MACROD2: variants seen among roughly 807,000 people sequenced by gnomAD.
MACROD2 encodes mono-ADP ribosylhydrolase 2.
Under a neutral mutation model 70.4 loss-of-function variants are expected in MACROD2, and 36 were observed. The ratio of observed to expected loss-of-function variants is 0.51; its 90% CI spans 0.39 to 0.68. The LOEUF (loss-of-function observed/expected upper bound fraction) is 0.68. Ranked by LOEUF, MACROD2 falls within the 30% of genes least tolerant of loss-of-function variation. MACROD2 has a pLI of 0.00. For missense variants in MACROD2, 496 were observed against 538.4 expected (o/e 0.92, Z 0.78); for synonymous variants, 172 against 178.8 (o/e 0.96, Z 0.30).
At chr20:15,674,580 A>G (rs925946666) in intron 8 of MACROD2, among the ~76,000 whole-genome samples, 9 of 152,014 alleles carry the variant, frequency 5.9e-5, no homozygotes, top group African/African-American at 2.2e-4. Flanking sequence ...TTTTCCCATA[A>G]TCATTAACAC....
intron 7 of MACROD2, among the ~76,000 whole-genome samples, chr20:15,496,416 T>G (rs535261222): frequency 2.6e-5 from 4 of 152,228 alleles, no homozygotes; most frequent in South Asian, 2.1e-4. Context: ...GAGGTTAAGA[T>G]GAAAACCATA....
At chr20:15,363,535 G>A (rs6034164) in intron 6 of MACROD2, among the ~76,000 whole-genome samples, 47,344 of 152,016 alleles carry the variant, frequency 0.31, 7,496 homozygotes, top group Non-Finnish European at 0.32. Flanking sequence ...TTACCAAATG[G>A]AAGAAATAAG....
At chr20:15,447,930 A>G (rs562484955) in intron 7 of MACROD2, among the ~76,000 whole-genome samples, 4 of 152,114 alleles carry the variant, frequency 2.6e-5, no homozygotes, top group Admixed American at 6.6e-5. Context: ...GTAAAGCCCA[A>G]GTATTTATCC....
chr20:15,684,974 G>A (rs995454928), intron 8 of MACROD2, among the ~76,000 whole-genome samples: 8 of 151,858 alleles, frequency 5.3e-5, no homozygotes, highest in Admixed American at 2.6e-4. Flanking sequence ...TGAAATCTTT[G>A]GTAAAATGAA....
At chr20:14,765,341 G>A (rs1454501419) in intron 5 of MACROD2, among the ~76,000 whole-genome samples, 1 of 151,566 alleles carries the variant, frequency 6.6e-6, no homozygotes, top group Non-Finnish European at 1.5e-5. Flanking sequence ...CCCTGTCCCT[G>A]GACTCGCCTC....
At chr20:14,337,448 C>G (rs1457655742) in intron 3 of MACROD2, 1 of 393,900 alleles carries the variant, frequency 2.5e-6, no homozygotes, top group Non-Finnish European at 4.5e-6. Context: ...GCCGCTATAG[C>G]TGTAATTCCA....
chr20:15,926,291 T>G (rs565074165), intron 10 of MACROD2, among the ~76,000 whole-genome samples: 5 of 152,272 alleles, frequency 3.3e-5, no homozygotes, highest in African/African-American at 1.2e-4. Context: ...AATCTACCTC[T>G]TTTTTTCCTG....
At chr20:14,269,253 A>G (rs560877458) in intron 3 of MACROD2, among the ~76,000 whole-genome samples, 2 of 152,340 alleles carry the variant, frequency 1.3e-5, no homozygotes, top group Admixed American at 6.5e-5. Flanking sequence ...AAATCACTGG[A>G]AAAAGAGCGT....
At chr20:16,026,153 C>CA (rs950438077) in intron 15 of MACROD2, among the ~76,000 whole-genome samples, 16 of 132,754 alleles carry the variant, frequency 1.2e-4, no homozygotes, top group Non-Finnish European at 2.4e-4. Context: ...AACTCCATCT[C>CA]AAAAAAACAA....
intron 3 of MACROD2, among the ~76,000 whole-genome samples, chr20:14,096,444 A>G (rs2054227661): frequency 7.1e-6 from 1 of 140,122 alleles, no homozygotes; most frequent in Non-Finnish European, 1.5e-5. Flanking sequence ...TCCGCTCACC[A>G]CAATATCCTC....
At chr20:14,377,645 GGA>G (rs1359571204) in intron 3 of MACROD2, among the ~76,000 whole-genome samples, 4 of 152,180 alleles carry the variant, frequency 2.6e-5, no homozygotes, top group African/African-American at 9.7e-5. Context: ...AGAAGCCCAA[GGA>G]GAGAGTCAGA....
intron 5 of MACROD2, among the ~76,000 whole-genome samples, chr20:15,145,999 GTAAT>G (rs1400702659): frequency 2.6e-5 from 4 of 152,042 alleles, no homozygotes; most frequent in Non-Finnish European, 5.9e-5. Flanking sequence ...TAGCAACAAT[GTAAT>G]TAAGTACAGA....
At chr20:14,790,241 A>G (rs759425612) in intron 5 of MACROD2, among the ~76,000 whole-genome samples, 2 of 151,504 alleles carry the variant, frequency 1.3e-5, no homozygotes, top group African/African-American at 2.4e-5. Context: ...AGCTCGATAA[A>G]TATCAGGTGA....
chr20:14,044,817 G>A (rs1267956194), intron 2 of MACROD2, among the ~76,000 whole-genome samples: 1 of 152,228 alleles, frequency 6.6e-6, no homozygotes, highest in Non-Finnish European at 1.5e-5. Context: ...CCACTTCTGT[G>A]CTGTGTGCTT....
chr20:14,548,018 A>C (rs1221292512), intron 4 of MACROD2, among the ~76,000 whole-genome samples: 2 of 152,180 alleles, frequency 1.3e-5, no homozygotes, highest in East Asian at 1.9e-4. Flanking sequence ...CTCAAAGCAA[A>C]TCAAAAGGCC....
intron 3 of MACROD2, among the ~76,000 whole-genome samples, chr20:14,245,586 T>C (rs746079717): frequency 2.0e-5 from 3 of 152,148 alleles, no homozygotes; most frequent in Non-Finnish European, 4.4e-5. Context: ...TGTTACTTCA[T>C]CCACAAGTAT....
chr20:15,016,853 C>A (rs1214065638), intron 5 of MACROD2, among the ~76,000 whole-genome samples: 1 of 152,074 alleles, frequency 6.6e-6, no homozygotes. Flanking sequence ...TATTCACTAC[C>A]ACGAGAATAG....
chr20:15,102,046 A>T (rs2075877012), intron 5 of MACROD2, among the ~76,000 whole-genome samples: 1 of 152,032 alleles, frequency 6.6e-6, no homozygotes, highest in Non-Finnish European at 1.5e-5. Flanking sequence ...AAACAAAATA[A>T]GTTAAGCCAC....
At chr20:14,841,997 G>A (rs184940353) in intron 5 of MACROD2, among the ~76,000 whole-genome samples, 40 of 151,688 alleles carry the variant, frequency 2.6e-4, no homozygotes, top group Admixed American at 2.1e-3. Flanking sequence ...CACCAACTAG[G>A]TAACTTACAA....
Sources: allele counts gnomAD v4.1 joint callset (sites outside exome capture counted in the v4.1 genomes callset), GRCh38; gene constraint gnomAD v4.1.1; transcripts MANE v1.5; gene names NCBI Gene and HGNC (gene_info 2026-07-23, HGNC 2026-07-21).